SOX5: variants seen among roughly 807,000 people sequenced by gnomAD.
SOX5 encodes SRY-box transcription factor 5.
A neutral mutation model predicts 92.0 loss-of-function variants in SOX5; 9 were observed. That is an observed-to-expected ratio of 0.10 (90% confidence interval 0.06 to 0.17). SOX5 has a LOEUF of 0.17. Ranked by LOEUF, SOX5 falls within the 10% of genes least tolerant of loss-of-function variation. The pLI is 1.00. For synonymous variants in SOX5, 344 were observed against 336.3 expected, an observed-to-expected ratio of 1.02 and a Z score of -0.25; for missense variants, 642 against 944.5, an observed-to-expected ratio of 0.68 and a Z score of 4.20.
intron 4 of SOX5, among the ~76,000 whole-genome samples, chr12:24,200,257 GCTTCAGTTCCTTGTCCACAA>G (rs1361427132): frequency 6.6e-6 from 1 of 152,160 alleles, no homozygotes; most frequent in African/African-American, 2.4e-5. Flanking sequence ...ACCTCTCTGA[GCTTCAGTTCCTTGTCCACAA>G]AAGCAGTGAC....
chr12:24,250,278 T>C (rs754055282), intron 3 of SOX5, among the ~76,000 whole-genome samples: 9 of 152,240 alleles, frequency 5.9e-5, no homozygotes, highest in Non-Finnish European at 8.8e-5. Flanking sequence ...TTTATTCACC[T>C]AGCACATTTT....
intron 4 of SOX5, among the ~76,000 whole-genome samples, chr12:24,018,170 C>T (rs571255019): frequency 2.0e-5 from 3 of 152,298 alleles, no homozygotes; most frequent in African/African-American, 4.8e-5. Flanking sequence ...AGCCCAGCTT[C>T]CCTGACCACG....
upstream of SOX5, chr12:24,562,499 C>T (rs962095999): frequency 4.6e-5 from 7 of 152,174 alleles, no homozygotes; most frequent in East Asian, 1.9e-4. Flanking sequence ...TGTGTGTGTG[C>T]GCGCGCGTGT....
chr12:24,401,935 A>C (rs369018179), intron 1 of SOX5, among the ~76,000 whole-genome samples: 11 of 152,162 alleles, frequency 7.2e-5, no homozygotes, highest in African/African-American at 2.7e-4. Context: ...GTATGTATTT[A>C]GAATGTATAA....
At chr12:23,558,934 T>C (rs1945724147) in intron 11 of SOX5, among the ~76,000 whole-genome samples, 1 of 152,116 alleles carries the variant, frequency 6.6e-6, no homozygotes. Context: ...TACATTCAGG[T>C]TTCCTGATAC....
chr12:24,079,157 A>C (rs1006592521), intron 4 of SOX5, among the ~76,000 whole-genome samples: 2 of 151,878 alleles, frequency 1.3e-5, no homozygotes, highest in Admixed American at 6.6e-5. Flanking sequence ...AAGAGAAAAA[A>C]AAGTAGGGTG....
At chr12:23,801,884 A>G (rs2095665635) in intron 3 of SOX5, among the ~76,000 whole-genome samples, 1 of 152,114 alleles carries the variant, frequency 6.6e-6, no homozygotes, top group African/African-American at 2.4e-5. Flanking sequence ...CTGTTTCTTA[A>G]CAGTCCTATA....
At chr12:24,007,261 TTA>T (rs374731003) in intron 4 of SOX5, among the ~76,000 whole-genome samples, 1 of 3,608 alleles carries the variant, frequency 2.8e-4, no homozygotes, top group African/African-American at 5.9e-4. Flanking sequence ...ATAAATGTAT[TTA>T]TATATATAAA....
chr12:24,346,282 G>C (rs1953233527), intron 2 of SOX5, among the ~76,000 whole-genome samples: 1 of 152,148 alleles, frequency 6.6e-6, no homozygotes, highest in Admixed American at 6.5e-5. Context: ...TAGAACCATT[G>C]TGCCAAGCTG....
chr12:23,857,247 G>T (rs530160829), intron 2 of SOX5, among the ~76,000 whole-genome samples: 1 of 152,244 alleles, frequency 6.6e-6, no homozygotes, highest in East Asian at 1.9e-4. Flanking sequence ...GACCTAGCAG[G>T]CAATGGAGAA....
chr12:24,334,316 T>C (rs1951658898), intron 2 of SOX5, among the ~76,000 whole-genome samples: 1 of 152,048 alleles, frequency 6.6e-6, no homozygotes, highest in Non-Finnish European at 1.5e-5. Flanking sequence ...TGAGAATATA[T>C]GTATAATCAA....
intron 2 of SOX5, among the ~76,000 whole-genome samples, chr12:24,325,545 C>T (rs1220105483): frequency 6.6e-6 from 1 of 152,146 alleles, no homozygotes; most frequent in Non-Finnish European, 1.5e-5. Context: ...GATCTCAGAG[C>T]TTCCCCTCAA....
intron 2 of SOX5, among the ~76,000 whole-genome samples, chr12:23,879,445 C>A (rs2096963213): frequency 6.6e-6 from 1 of 152,112 alleles, no homozygotes; most frequent in Admixed American, 6.6e-5. Flanking sequence ...GGCAACTTGG[C>A]AAGGTGTTTT....
At chr12:23,688,865 T>C (rs2088165649) in intron 6 of SOX5, among the ~76,000 whole-genome samples, 1 of 152,148 alleles carries the variant, frequency 6.6e-6, no homozygotes, top group African/African-American at 2.4e-5. Context: ...TCTGAAAGTG[T>C]AGGCGTGTTC....
intron 4 of SOX5, among the ~76,000 whole-genome samples, chr12:24,169,347 T>A (rs1039469703): frequency 1.3e-5 from 2 of 152,220 alleles, no homozygotes; most frequent in African/African-American, 4.8e-5. Context: ...CTTCAAATCA[T>A]TATTGTCAAA....
chr12:23,912,628 A>G (rs2097363780), intron 1 of SOX5, among the ~76,000 whole-genome samples: 1 of 152,222 alleles, frequency 6.6e-6, no homozygotes, highest in African/African-American at 2.4e-5. Context: ...TACGTGGCAT[A>G]TCCATACAAT....
chr12:23,603,007 G>A (rs1204715418), intron 9 of SOX5, among the ~76,000 whole-genome samples: 1 of 152,048 alleles, frequency 6.6e-6, no homozygotes, highest in Non-Finnish European at 1.5e-5. Context: ...TCAATGTAGT[G>A]TGTACAATAA....
In SOX5 at chr12:24,440,611, T is replaced by C. The variant is rs1041281894; in HGVS notation, c.-250-71972A>G. On this transcript the variant is annotated intron_variant, in intron 1 of 4. Transcript: ENST00000446891. ...ATGATCCTTTGTGTGTGTGTGTGTG[T>C]GTGTGTGTGTGTGTGTGTGTGTGTG... Among the ~76,000 whole-genome samples the C allele has an allele frequency of 7.3e-4, 107 of 147,394 alleles. 2 individuals carry two copies. The highest frequency in any genetic ancestry group is 1.7e-4 in the Non-Finnish European group (11 of 66,126).
intron 6 of SOX5, among the ~76,000 whole-genome samples, chr12:23,716,105 T>G (rs892004827): frequency 1.3e-5 from 2 of 152,180 alleles, no homozygotes; most frequent in African/African-American, 4.8e-5. Context: ...GGAAGTGTTG[T>G]GATGCATGAT....
Sources: gnomAD v4.1 joint callset for allele counts (sites outside exome capture counted in the v4.1 genomes callset) on GRCh38, gnomAD v4.1.1 for gene constraint, MANE v1.5 for transcripts, NCBI Gene and HGNC (gene_info 2026-07-23, HGNC 2026-07-21) for gene names.